APBB2: variants seen among roughly 807,000 people sequenced by gnomAD.
APBB2 encodes the protein amyloid beta precursor protein binding family B member 2.
A neutral mutation model predicts 82.5 loss-of-function variants in APBB2; 38 were observed. That is an observed-to-expected ratio of 0.46 (90% CI 0.36 to 0.60). The LOEUF (loss-of-function observed/expected upper bound fraction) is 0.60, where lower values mean the gene tolerates loss of function less well. Ranked by LOEUF, APBB2 falls within the 20% of genes least tolerant of loss-of-function variation. The pLI, the probability that APBB2 is intolerant of heterozygous loss-of-function variation, is 0.00. For synonymous variants in APBB2, 341 were observed against 368.2 expected, an observed-to-expected ratio of 0.93 and a Z score of 0.85; for missense variants, 772 against 972.3, an observed-to-expected ratio of 0.79 and a Z score of 2.74.
At position 41,214,424 on chromosome 4, in the gene APBB2, C is replaced by CGCCTCG. The variant is rs1322347753; in HGVS notation, c.-442_-437dup. The CGCCTCG allele has an allele frequency of 6.6e-6, 1 of 152,424 alleles. No homozygotes were observed. Among genetic ancestry groups the CGCCTCG allele is most frequent in the Non-Finnish European group, 1.5e-5 (1 of 68,202 alleles). 9.4% of individuals were successfully genotyped at this position (152,424 alleles called of 1,614,324 possible). On this transcript the variant is annotated 5_prime_UTR_variant, in exon 1 of 18. Transcript: ENST00000508593. ...GCTCACCAGTGGTGCGCGCGGCGCT[C>CGCCTCG]GCCTCGGCTCCGGCGCCCAGCGGCT...
At chr4:40,823,610 A>G (rs759572936) in intron 16 of APBB2, 34 bp downstream of exon 16, 2 of 1,453,678 alleles carry the variant, frequency 1.4e-6, no homozygotes, top group Admixed American at 3.3e-5. Flanking sequence ...TCACTGTATA[A>G]GACACACCAA....
chr4:40,998,780 G>A (rs1362557846), intron 6 of APBB2, among the ~76,000 whole-genome samples: 3 of 152,018 alleles, frequency 2.0e-5, no homozygotes, highest in Non-Finnish European at 4.4e-5. Context: ...GTAAAATAAG[G>A]GTGACTTGAG....
At chr4:40,849,674 C>T (rs981807192) in intron 12 of APBB2, among the ~76,000 whole-genome samples, 1 of 151,084 alleles carries the variant, frequency 6.6e-6, no homozygotes, top group Admixed American at 6.6e-5. Context: ...CAGGAGTTAA[C>T]TTCTTGATAC....
At chr4:40,859,282 C>A (rs2437355) in intron 12 of APBB2, among the ~76,000 whole-genome samples, 58,441 of 141,602 alleles carry the variant, frequency 0.41, 11,613 homozygotes, top group African/African-American at 0.49. Context: ...AGGAGGGCTG[C>A]TGTCATTTTT....
intron 6 of APBB2, among the ~76,000 whole-genome samples, chr4:40,959,889 G>C (rs1792614995): frequency 6.6e-6 from 1 of 152,172 alleles, no homozygotes; most frequent in African/African-American, 2.4e-5. Context: ...CAGATGCAGA[G>C]CAGATATTAT....
intron 12 of APBB2, among the ~76,000 whole-genome samples, chr4:40,840,886 A>T (rs1051270244): frequency 4.6e-5 from 7 of 152,268 alleles, no homozygotes; most frequent in African/African-American, 1.7e-4. Context: ...GGAACTAGCG[A>T]ACACCTGAAA....
intron 2 of APBB2, among the ~76,000 whole-genome samples, chr4:41,137,221 G>C (rs1037429956): frequency 6.6e-6 from 1 of 152,096 alleles, no homozygotes; most frequent in African/African-American, 2.4e-5. Context: ...CCCAATTCAT[G>C]TTACCATTAA....
At chr4:41,080,944 G>A (rs1226819754) in intron 3 of APBB2, among the ~76,000 whole-genome samples, 1 of 152,044 alleles carries the variant, frequency 6.6e-6, no homozygotes, top group Non-Finnish European at 1.5e-5. Flanking sequence ...TATTTTAGGA[G>A]TTTCACCATG....
chr4:41,102,627 C>T (rs4861371), intron 2 of APBB2, among the ~76,000 whole-genome samples: 2 of 152,152 alleles, frequency 1.3e-5, no homozygotes, highest in Admixed American at 6.5e-5. Context: ...AAACATCTAC[C>T]GGTGACTTCG....
Position 40,810,028 on chromosome 4 carries a change from A to G in APBB2, c.*6064T>C, listed in dbSNP as rs1165180466. On this transcript the variant is annotated 3_prime_UTR_variant, in exon 18 of 18. Coordinates refer to ENST00000508593, the MANE Select transcript of APBB2 (RefSeq NM_004307.2). ...TAAAAACATTCATAGACATATTCAT[A>G]AAGTTTGAATTTAAAGTTTTATTTT... The G allele has an allele frequency of 6.6e-6, 1 of 152,236 alleles. No homozygotes were observed. Among genetic ancestry groups the G allele is most frequent in the Non-Finnish European group, 1.5e-5 (1 of 68,040 alleles). The allele number at this position is 152,236 out of a possible 1,614,324, so 9.4% of individuals were successfully genotyped here. A position where few individuals can be genotyped will look rare whatever the true frequency, so the allele number is the denominator to read the frequency against.
chr4:40,845,611 A>C (rs867931810), intron 12 of APBB2, among the ~76,000 whole-genome samples: 3 of 149,984 alleles, frequency 2.0e-5, no homozygotes, highest in African/African-American at 4.9e-5. Flanking sequence ...AAAAAAAAAA[A>C]AAAACCAGCA....
intron 1 of APBB2, among the ~76,000 whole-genome samples, chr4:41,165,682 G>T (rs1766332354): frequency 1.3e-5 from 2 of 151,916 alleles, no homozygotes; most frequent in South Asian, 4.2e-4. Flanking sequence ...ATAACCCAAG[G>T]TATGCCCACT....
chr4:40,857,105 C>A (rs752535027), intron 12 of APBB2: 2 of 985,396 alleles, frequency 2.0e-6, no homozygotes, highest in African/African-American at 3.5e-5. Context: ...CCGGCACCAG[C>A]CAGCGGTGCC....
chr4:41,199,941 G>A (rs930938208), intron 1 of APBB2, among the ~76,000 whole-genome samples: 8 of 152,104 alleles, frequency 5.3e-5, no homozygotes, highest in African/African-American at 1.7e-4. Context: ...TCCACAATAG[G>A]CTAATTCAGA....
At chr4:40,914,708 T>G (rs1024131637) in intron 10 of APBB2, among the ~76,000 whole-genome samples, 1 of 152,232 alleles carries the variant, frequency 6.6e-6, no homozygotes, top group African/African-American at 2.4e-5. Flanking sequence ...GGAGCAATGC[T>G]TCAGTATTCA....
chr4:40,842,863 C>T (rs1012226388), intron 12 of APBB2, among the ~76,000 whole-genome samples: 1 of 150,264 alleles, frequency 6.7e-6, no homozygotes, highest in African/African-American at 2.4e-5. Context: ...CCTTACAGGG[C>T]AACAGGGAGG....
chr4:40,912,431 G>A (rs998881012), intron 10 of APBB2, among the ~76,000 whole-genome samples: 2 of 152,186 alleles, frequency 1.3e-5, no homozygotes, highest in African/African-American at 4.8e-5. Context: ...ACAAAAATCA[G>A]CTGGGTGTGG....
intron 6 of APBB2, among the ~76,000 whole-genome samples, chr4:40,987,114 T>C (rs1400717195): frequency 6.6e-6 from 1 of 152,208 alleles, no homozygotes; most frequent in Non-Finnish European, 1.5e-5. Context: ...ATTACTATTA[T>C]CCTTAAGAGA....
chr4:40,830,679 T>C (rs1393966132), intron 12 of APBB2, 102 bp from the exon 13 acceptor site: 5 of 691,756 alleles, frequency 7.2e-6, no homozygotes, highest in African/African-American at 5.3e-5. Context: ...GTGTCAATGG[T>C]AAACAATGTA....
Sources: gnomAD v4.1 joint callset for allele counts (sites outside exome capture counted in the v4.1 genomes callset) on GRCh38, gnomAD v4.1.1 for gene constraint, MANE v1.5 for transcripts, NCBI Gene and HGNC (gene_info 2026-07-23, HGNC 2026-07-21) for gene names.